Variants in DBN1 observed in about 807,000 individuals in gnomAD.
DBN1 encodes drebrin 1.
DBN1 carries 21 observed loss-of-function variants against 83.5 expected under a neutral mutation model. The observed-to-expected ratio is 0.25, with a 90% CI of 0.18 to 0.36. The LOEUF (loss-of-function observed/expected upper bound fraction) is 0.36, where lower values mean the gene tolerates loss of function less well. DBN1 is among the 10% of genes least tolerant of loss of function. The pLI, the probability that DBN1 is intolerant of heterozygous loss-of-function variation, is 1.00. For synonymous variants in DBN1, 381 were observed against 384.9 expected (o/e 0.99, Z 0.12); for missense variants, 874 against 935.7 (o/e 0.93, Z 0.86).
At position 177,458,157 on chromosome 5, in the gene DBN1, G is replaced by A; in HGVS notation, c.1815C>T (p.Thr605=). Residue 605 remains threonine (T), a synonymous_variant, in exon 13 of 15, where the codon ACC becomes ACT. Coordinates refer to ENST00000393565, the MANE Select transcript of DBN1 (RefSeq NM_001363541.2). ...VEGESLAAPQ[T]PTLPSALEEL... ...CCTCAAGGGCTGAGGGCAGAGTTGG[G>A]GTCTGGGGGGCAGCCAGGGACTCCC... 6.2e-7 allele frequency: 1 copy of A among 1,613,016 alleles called. No individual in the cohort carries two copies.
rs1206779459 is a variant in DBN1 at position 177,457,350 on chromosome 5, A to G, written c.*83T>C. 1.8e-5 allele frequency: 22 copies of G among 1,221,652 alleles called. No homozygotes were observed. The South Asian group carries it at 2.4e-4, about 13-fold the overall frequency. 75.7% of individuals were successfully genotyped at this position (1,221,652 alleles called of 1,614,324 possible). ...GTGGGTGCCAGGCGGAGCTGCTGCG[A>G]ATGCAGGCACGGCGGGCCGTCTGGC... On this transcript the variant is annotated 3_prime_UTR_variant, in exon 15 of 15. Coordinates refer to ENST00000393565, the MANE Select transcript of DBN1 (RefSeq NM_001363541.2).
At chr5:177,468,424 C>T (rs1757620443) in intron 2 of DBN1, 1 of 595,720 alleles carries the variant, frequency 1.7e-6, no homozygotes, top group African/African-American at 1.9e-5. Flanking sequence ...GTGACTCCTG[C>T]AGGGCCTGAT....
intron 8 of DBN1, among the ~76,000 whole-genome samples, chr5:177,464,924 G>A (rs946396599): frequency 6.6e-6 from 1 of 152,106 alleles, no homozygotes; most frequent in Non-Finnish European, 1.5e-5. Context: ...GGTGGCTGAG[G>A]TGGGCAGATC....
chr5:177,470,944 C>T (rs774110377), intron 1 of DBN1, among the ~76,000 whole-genome samples: 11 of 152,198 alleles, frequency 7.2e-5, no homozygotes, highest in Non-Finnish European at 7.3e-5. Flanking sequence ...GACACTGCCC[C>T]CAGCTGTAAG....
chr5:177,465,696 A>C (rs553614304), intron 8 of DBN1, among the ~76,000 whole-genome samples: 2 of 152,112 alleles, frequency 1.3e-5, no homozygotes, highest in African/African-American at 4.8e-5. Flanking sequence ...TCTCTACAAA[A>C]ACACAAAAAT....
chr5:177,459,145 G>C lies in DBN1; in HGVS notation c.1217C>G (p.Thr406Ser). The C allele has an allele frequency of 6.2e-7, 1 of 1,611,560 alleles. No homozygotes were observed. Among genetic ancestry groups the C allele is most frequent in the Non-Finnish European group, 8.5e-7 (1 of 1,178,896 alleles). Residue 406 changes from threonine (T) to serine (S), a missense_variant, in exon 12 of 15, where the codon ACC becomes AGC. Around this residue, in one of 4 missense-constraint regions of DBN1, gnomAD observed 725 missense variants for 719.7 expected, o/e 1.01. Transcript: ENST00000393565. ...TGGCAGTGGTGGAGGCTGCGAGGAG[G>C]TGACCTCATCCAGGGCCCGCTCTAT... is the stretch of plus-strand genomic sequence containing the variant. ...EQIERALDEV[T>S]SSQPPPLPPP...
chr5:177,458,573 A>C lies in DBN1; in HGVS notation c.1399T>G (p.Leu467Val). Residue 467 changes from leucine (L) to valine (V), a missense_variant, in exon 13 of 15, where the codon TTG (leucine) becomes GTG (valine). By Grantham distance (32) the Leu-to-Val change is conservative. Coordinates refer to ENST00000393565, the MANE Select transcript of DBN1 (RefSeq NM_001363541.2). ...TGCTCTGCAGACTCCATGAACATCA[A>C]GTCCTCTGCAGGGCTGCCTGGCCCC... ...PRGPGSPAED[L>V]MFMESAEQAV... is the part of the protein sequence containing the mutation. The C allele has an allele frequency of 2.5e-6, 4 of 1,614,010 alleles. No individual in the cohort carries two copies. The South Asian group carries it at 3.3e-5, about 13-fold the overall frequency.
At chr5:177,461,094 C>CT (rs1212164434) in intron 8 of DBN1, among the ~76,000 whole-genome samples, 7,227 of 90,532 alleles carry the variant, frequency 0.08, 715 homozygotes, top group African/African-American at 0.16. Flanking sequence ...TTCTGGCCTT[C>CT]TTTTTTTTTT....
At chr5:177,461,955 G>A (rs1757073854) in intron 8 of DBN1, among the ~76,000 whole-genome samples, 1 of 152,122 alleles carries the variant, frequency 6.6e-6, no homozygotes, top group Non-Finnish European at 1.5e-5. Context: ...TGAGATGAGG[G>A]TCCCAGTTTC....
intron 8 of DBN1, among the ~76,000 whole-genome samples, chr5:177,462,073 C>T (rs1240965059): frequency 1.3e-5 from 2 of 152,156 alleles, no homozygotes; most frequent in South Asian, 2.1e-4. Flanking sequence ...CGCTCACCCC[C>T]GGCCCCACCA....
intron 8 of DBN1, among the ~76,000 whole-genome samples, chr5:177,462,037 C>T (rs1384602736): frequency 2.0e-5 from 3 of 152,192 alleles, no homozygotes; most frequent in Non-Finnish European, 2.9e-5. Context: ...CTCGCCGCAG[C>T]CCCCTTAAGA....
rs1475968813 is a variant in DBN1, at chr5:177,467,890, C to CGGGGTGGGAAG, written c.256-84_256-74dup. 4.5e-6 allele frequency: 7 copies of CGGGGTGGGAAG among 1,550,214 alleles called. No individual in the cohort carries two copies. In the Admixed American group the frequency reaches 1.2e-4, roughly 27 times the overall value. On this transcript the variant is annotated intron_variant, in intron 3 of 14. Coordinates refer to ENST00000393565, the MANE Select transcript of DBN1 (RefSeq NM_001363541.2). The surrounding 1 kb of genome is among the most constrained non-coding windows in gnomAD (Gnocchi z 9.1). ...CCTACACGATAGGGTGCATCTTCCC[C>CGGGGTGGGAAG]GGGGTGGGAAGAGGGTGGGCTTCCC...
In DBN1 at chr5:177,467,266, C is replaced by T. The variant is rs1050769135; in HGVS notation, c.544G>A (p.Glu182Lys). The T allele has an allele frequency of 1.9e-6, 3 of 1,614,156 alleles. No homozygotes were observed. The highest frequency in any genetic ancestry group is 2.5e-6 in the Non-Finnish European group (3 of 1,179,990). Residue 182 changes from glutamate (E) to lysine (K), a missense_variant, in exon 6 of 15, where the codon GAG (glutamate) becomes AAG (lysine). By Grantham distance (56) the Glu-to-Lys change is moderately conservative (BLOSUM62 1). This residue lies in a region of DBN1 where 725 missense variants were observed against 719.7 expected (regional missense o/e 1.01). Coordinates refer to ENST00000393565, the MANE Select transcript of DBN1 (RefSeq NM_001363541.2). This position sits in a 1 kb window ranked among gnomAD's most constrained non-coding sequence, Gnocchi z 9.1. ...MKRINREQFW[E>K]QAKKEEELRK... is the part of the protein sequence containing the mutation. The stretch of plus-strand genomic sequence containing the variant: ...TCAGGGTTCCATACCTTGGCCTGCT[C>T]CCAGAACTGCTCTCGGTTAATCCGC...
intron 8 of DBN1, among the ~76,000 whole-genome samples, chr5:177,465,425 C>A (rs889683148): frequency 6.6e-6 from 1 of 152,130 alleles, no homozygotes; most frequent in Non-Finnish European, 1.5e-5. Flanking sequence ...CAGGAGCTGG[C>A]GAGTGGGGAA....
In DBN1 at chr5:177,457,121, A is replaced by G; in HGVS notation, c.*312T>C. 2.5e-6 allele frequency: 1 copy of G among 393,104 alleles called. No individual in the cohort carries two copies. Among genetic ancestry groups the G allele is most frequent in the East Asian group, 4.7e-5 (1 of 21,202 alleles). The allele number at this position is 393,104 out of a possible 1,614,324, so 24.4% of individuals were successfully genotyped here. ...GCAGGGTGAGGCCTCCAACCCGGCC[A>G]GCTGAGCAGGGAGGACTAAGAGCTA... On this transcript the variant is annotated 3_prime_UTR_variant, in exon 15 of 15. Transcript: ENST00000393565.
intron 1 of DBN1, 74 bp from the exon 2 acceptor site, chr5:177,468,973 GAGGGAGAGGGACATGGAGTGGGT>G: frequency 1.1e-6 from 1 of 917,762 alleles, no homozygotes; most frequent in African/African-American, 1.7e-5. Flanking sequence ...CGGCTCTGGG[GAGGGAGAGGGACATGGAGTGGGT>G]AGGACAGGAA....
At chr5:177,457,571 C>T in intron 14 of DBN1, 68 bp from the exon 15 acceptor site, 3 of 1,554,486 alleles carry the variant, frequency 1.9e-6, no homozygotes, top group South Asian at 2.2e-5. Flanking sequence ...CCTCTGTGAG[C>T]GGTGGGTAGT....
rs550894110 is a variant in DBN1 at position 177,472,932 on chromosome 5, G to A, written c.86+504C>T. 23 of 678,404 alleles carry A rather than the reference G, an allele frequency of 3.4e-5. No homozygotes were observed. The Admixed American group carries it at 1.4e-3, about 43-fold the overall frequency. The allele number at this position is 678,404 out of a possible 1,614,324, so 42.0% of individuals were successfully genotyped here. On this transcript the variant is annotated intron_variant, in intron 1 of 14. Coordinates refer to ENST00000393565, the MANE Select transcript of DBN1 (RefSeq NM_001363541.2). The stretch of plus-strand genomic sequence containing the variant: ...GGGCGGGGCGCCCGGCCCCCAGCCC[G>A]CTCCGCTCCTCCCCCGCCCTCGCTT...
chr5:177,460,856 T>C (rs557664270), intron 8 of DBN1, among the ~76,000 whole-genome samples, 153 bp from the exon 9 acceptor site: 4 of 152,332 alleles, frequency 2.6e-5, no homozygotes, highest in Non-Finnish European at 5.9e-5. Context: ...CACGGCTCAC[T>C]GCAGCCTCTG....
Sources: gnomAD v4.1 joint callset for allele counts (sites outside exome capture counted in the v4.1 genomes callset) on GRCh38, gnomAD v4.1.1 for gene constraint, gnomAD v4.1.1 regional missense constraint, Gnocchi (gnomAD v3.1) non-coding constraint, MANE v1.5 for transcripts, NCBI Gene and HGNC (gene_info 2026-07-23, HGNC 2026-07-21) for gene names.